Variants in CCDC169 observed in about 807,000 individuals in gnomAD.
The protein encoded by CCDC169 is coiled-coil domain-containing protein 169.
CCDC169 carries 30 observed loss-of-function variants against 36.0 expected under a neutral mutation model. The observed-to-expected ratio is 0.83, with a 90% confidence interval of 0.62 to 1.13. CCDC169 has a LOEUF of 1.13. Among genes scored for constraint, CCDC169 ranks in the 50% most tolerant of loss-of-function variants. CCDC169 has a pLI of 0.00. For missense variants in CCDC169, 245 were observed against 245.9 expected (o/e 1.00, Z 0.03); for synonymous variants, 85 against 81.5 (o/e 1.04, Z -0.23).
chr13:36,240,975 A>C (rs995163616), intron 7 of CCDC169, among the ~76,000 whole-genome samples: 5 of 152,076 alleles, frequency 3.3e-5, no homozygotes, highest in African/African-American at 1.2e-4. Flanking sequence ...CAGTATAGAT[A>C]TCTTGTTCAT....
chr13:36,294,827 G>C, intron 2 of CCDC169, among the ~76,000 whole-genome samples: 1 of 152,102 alleles, frequency 6.6e-6, no homozygotes, highest in Non-Finnish European at 1.5e-5. Flanking sequence ...GAACAGGACA[G>C]GGATTTTCAC....
At chr13:36,257,390 A>G (rs948376472) in intron 4 of CCDC169, among the ~76,000 whole-genome samples, 16 of 152,140 alleles carry the variant, frequency 1.1e-4, no homozygotes, top group Non-Finnish European at 2.4e-4. Flanking sequence ...TGCTTCAGGG[A>G]AGCCTGGTCC....
At chr13:36,264,196 C>T (rs1461604333) in intron 4 of CCDC169, among the ~76,000 whole-genome samples, 1 of 151,920 alleles carries the variant, frequency 6.6e-6, no homozygotes, top group Non-Finnish European at 1.5e-5. Flanking sequence ...TTCAAAATAG[C>T]AGTTAAAAAT....
At chr13:36,246,257 AGGCTG>A (rs570466571) in intron 7 of CCDC169, among the ~76,000 whole-genome samples, 124 of 152,382 alleles carry the variant, frequency 8.1e-4, no homozygotes, top group African/African-American at 3.0e-3. Context: ...AAGCTGAGAC[AGGCTG>A]AAAGCTAGGC....
chr13:36,283,228 A>G (rs1438457184), intron 4 of CCDC169: 1 of 497,418 alleles, frequency 2.0e-6, no homozygotes, highest in Non-Finnish European at 3.5e-6. Flanking sequence ...GTTGGCGGTG[A>G]TTCAAAAAGC....
At chr13:36,244,633 GAGAAAGAAAGAAAAAA>G (rs1872272744) in intron 7 of CCDC169, 1 of 150,612 alleles carries the variant, frequency 6.6e-6, no homozygotes, top group African/African-American at 2.4e-5. Context: ...ACATGGATTA[GAGAAAGAAAGAAAAAA>G]AGAAAGAAAG....
At chr13:36,281,326 C>T (rs774178309) in intron 4 of CCDC169, 30 of 433,650 alleles carry the variant, frequency 6.9e-5, no homozygotes, top group Non-Finnish European at 1.3e-4. Context: ...CTTTCTCTTA[C>T]ATTCTGCCAA....
chr13:36,256,714 C>T (rs778870346), intron 4 of CCDC169, among the ~76,000 whole-genome samples: 7 of 152,192 alleles, frequency 4.6e-5, no homozygotes, highest in Non-Finnish European at 8.8e-5. Context: ...AGGCCCCCAC[C>T]GGCCTGGGGT....
At chr13:36,259,315 G>C (rs970309502) in intron 4 of CCDC169, among the ~76,000 whole-genome samples, 2 of 152,118 alleles carry the variant, frequency 1.3e-5, no homozygotes, top group Non-Finnish European at 2.9e-5. Context: ...CCCAGGAAGC[G>C]CTTCTTGGTT....
At chr13:36,285,686 C>A (rs1878166204) in intron 2 of CCDC169, among the ~76,000 whole-genome samples, 1 of 151,210 alleles carries the variant, frequency 6.6e-6, no homozygotes, top group South Asian at 2.1e-4. Context: ...CAGTCGTAAC[C>A]AAATGGAATC....
At chr13:36,247,592 T>A (rs1441974546) in intron 7 of CCDC169, among the ~76,000 whole-genome samples, 1 of 152,180 alleles carries the variant, frequency 6.6e-6, no homozygotes, top group Non-Finnish European at 1.5e-5. Flanking sequence ...GTACTGTAGA[T>A]GTTTTGGAAA....
intron 4 of CCDC169, among the ~76,000 whole-genome samples, chr13:36,274,123 A>G (rs917212634): frequency 7.2e-5 from 11 of 151,916 alleles, no homozygotes; most frequent in Non-Finnish European, 5.9e-5. Flanking sequence ...ACTATAACTC[A>G]GGAAGTTAGG....
At chr13:36,232,906 T>G (rs544753575) in intron 7 of CCDC169, among the ~76,000 whole-genome samples, 5 of 151,942 alleles carry the variant, frequency 3.3e-5, no homozygotes, top group African/African-American at 1.2e-4. Flanking sequence ...AGCTGAGAAA[T>G]GAGTGTTAAT....
At chr13:36,226,300 A>G (rs1022220384), downstream of CCDC169, 1 of 152,114 alleles carries the variant, frequency 6.6e-6, no homozygotes, top group Non-Finnish European at 1.5e-5. Flanking sequence ...CACGGACTGT[A>G]TTTTGGGGAG....
chr13:36,274,304 G>C (rs1425670617), intron 4 of CCDC169: 2 of 152,124 alleles, frequency 1.3e-5, no homozygotes. Flanking sequence ...ATACATACCA[G>C]AGATCCTTGA....
chr13:36,278,067 T>G (rs749328165), intron 4 of CCDC169, among the ~76,000 whole-genome samples: 4 of 152,206 alleles, frequency 2.6e-5, no homozygotes, highest in Non-Finnish European at 5.9e-5. Context: ...GAAAACAGAT[T>G]GCACATCTTT....
chr13:36,230,817 C>T lies in CCDC169; in HGVS notation c.*376G>A, dbSNP rs1024142698. 10 of 989,460 alleles carry T rather than the reference C, an allele frequency of 1.0e-5. No homozygotes were observed. In the African/African-American group the frequency reaches 1.6e-4, roughly 16 times the overall value. The allele number at this position is 989,460 out of a possible 1,614,324, so 61.3% of individuals were successfully genotyped here. ...GCAATTTAAAAAACTGAGCAAGATCCAGCCCAAAATGGCAAAAAGGTTTTA... is the reference window on the plus strand; with the variant it reads ...GCAATTTAAAAAACTGAGCAAGATCTAGCCCAAAATGGCAAAAAGGTTTTA... On this transcript the variant is annotated 3_prime_UTR_variant, in exon 8 of 8. Coordinates refer to ENST00000239859, the MANE Select transcript of CCDC169 (RefSeq NM_001144981.3).
intron 7 of CCDC169, among the ~76,000 whole-genome samples, chr13:36,235,079 T>C (rs2138393262): frequency 6.6e-6 from 1 of 151,936 alleles, no homozygotes. Context: ...ACAAAGAAGG[T>C]GAAGGGAATG....
At chr13:36,247,932 T>C (rs1371027382) in intron 7 of CCDC169, among the ~76,000 whole-genome samples, 1 of 152,158 alleles carries the variant, frequency 6.6e-6, no homozygotes, top group Non-Finnish European at 1.5e-5. Context: ...AGTCAATCGG[T>C]GCAGCAAACT....
Sources: allele counts gnomAD v4.1 joint callset (sites outside exome capture counted in the v4.1 genomes callset), GRCh38; gene constraint gnomAD v4.1.1; transcripts MANE v1.5; gene names NCBI Gene and HGNC (gene_info 2026-07-23, HGNC 2026-07-21).